CCR5AS: variants seen among roughly 807,000 people sequenced by gnomAD.
CCR5AS encodes the protein CCR5 antisense RNA.
Position 46,386,829 on chromosome 3 carries a change from G to A in CCR5AS, n.391+5996C>T, listed in dbSNP as rs191036758. Among the ~76,000 whole-genome samples the A allele has an allele frequency of 2.6e-5, 4 of 152,282 alleles. No homozygotes were observed. In the East Asian group the frequency reaches 5.8e-4, roughly 22 times the overall value. ...CTTAAGGATACACTCTAAAATACTA[G>A]TGGATTAAGTTATATGATGTTTAGA... On this transcript the variant is annotated intron_variant and non_coding_transcript_variant, in intron 2 of 3. Transcript: ENST00000451485.
At chr3:46,387,782 A>G (rs924722964) in intron 2 of CCR5AS, among the ~76,000 whole-genome samples, 1 of 152,184 alleles carries the variant, frequency 6.6e-6, no homozygotes, top group Non-Finnish European at 1.5e-5. Context: ...GTCTGAAAAA[A>G]GAGTCAGCAA....
intron 1 of CCR5AS, among the ~76,000 whole-genome samples, chr3:46,404,727 T>C (rs1204543081): frequency 6.6e-6 from 1 of 152,180 alleles, no homozygotes; most frequent in Non-Finnish European, 1.5e-5. Flanking sequence ...CTTCGCCTTC[T>C]CCATAGCACT....
intron 3 of CCR5AS, among the ~76,000 whole-genome samples, chr3:46,367,161 G>A (rs1456087009): frequency 1.3e-5 from 2 of 152,088 alleles, no homozygotes; most frequent in Non-Finnish European, 2.9e-5. Flanking sequence ...CCTTACCTCT[G>A]GGTGGAGCAA....
chr3:46,366,129 G>A (rs765523880), intron 3 of CCR5AS, among the ~76,000 whole-genome samples: 152 of 152,340 alleles, frequency 1.0e-3, no homozygotes, highest in Middle Eastern at 3.4e-3. Context: ...AGTGAGAGGA[G>A]TTGATGTGAT....
intron 3 of CCR5AS, among the ~76,000 whole-genome samples, chr3:46,368,647 G>A (rs1299472515): frequency 1.3e-5 from 2 of 152,198 alleles, no homozygotes; most frequent in Non-Finnish European, 2.9e-5. Context: ...GAATCATGTA[G>A]TATTTAGGGT....
Position 46,407,005 on chromosome 3 carries a change from C to T in CCR5AS, n.55G>A, listed in dbSNP as rs530395013. On this transcript the variant is annotated non_coding_transcript_exon_variant, in exon 1 of 4. Coordinates refer to ENST00000451485, the Ensembl canonical transcript of CCR5AS. ...GGGTCAGGACCCTCAGGTCTGGACT[C>T]GTGGTCACCACATACCTTCCTCCCT... 157 of 152,454 alleles carry T rather than the reference C, an allele frequency of 1.0e-3. 1 individual carries two copies. The highest frequency in any genetic ancestry group is 2.4e-3 in the Admixed American group (37 of 15,294). 9.4% of individuals were successfully genotyped at this position (152,454 alleles called of 1,614,324 possible).
chr3:46,381,030 A>G (rs1427419003), intron 2 of CCR5AS, among the ~76,000 whole-genome samples: 1 of 152,100 alleles, frequency 6.6e-6, no homozygotes, highest in East Asian at 1.9e-4. Flanking sequence ...GTGAATCTAG[A>G]CTTCATTGGC....
chr3:46,380,877 A>AG (rs1192384064), intron 2 of CCR5AS, among the ~76,000 whole-genome samples: 2 of 152,330 alleles, frequency 1.3e-5, no homozygotes, highest in African/African-American at 2.4e-5. Flanking sequence ...GCCAAGTCTG[A>AG]GAAATACTGC....
At chr3:46,379,906 AAAT>A (rs1701802049) in intron 2 of CCR5AS, among the ~76,000 whole-genome samples, 1 of 43,806 alleles carries the variant, frequency 2.3e-5, no homozygotes, top group Non-Finnish European at 5.0e-5. Context: ...CAAAATAAAT[AAAT>A]AAATAAATAA....
At chr3:46,397,432 G>A (rs1258818728) in intron 1 of CCR5AS, among the ~76,000 whole-genome samples, 3 of 152,234 alleles carry the variant, frequency 2.0e-5, no homozygotes, top group Non-Finnish European at 4.4e-5. Context: ...TGAGTTTAAT[G>A]AAGGATTCTA....
At chr3:46,378,969 A>G (rs926348353) in intron 2 of CCR5AS, among the ~76,000 whole-genome samples, 3 of 151,706 alleles carry the variant, frequency 2.0e-5, no homozygotes, top group Admixed American at 6.6e-5. Flanking sequence ...AGTGTTTGAA[A>G]TAATCAAATG....
At chr3:46,392,464 A>G (rs1422850706) in intron 2 of CCR5AS, among the ~76,000 whole-genome samples, 2 of 152,208 alleles carry the variant, frequency 1.3e-5, no homozygotes, top group Non-Finnish European at 2.9e-5. Context: ...AGGTAGAGAC[A>G]TGGAGAAGGG....
chr3:46,400,632 G>T (rs901849389), intron 1 of CCR5AS, among the ~76,000 whole-genome samples: 1 of 152,218 alleles, frequency 6.6e-6, no homozygotes, highest in African/African-American at 2.4e-5. Flanking sequence ...GAGTGAAACC[G>T]AAGGCCAGGG....
intron 2 of CCR5AS, among the ~76,000 whole-genome samples, chr3:46,371,948 G>A (rs192798693): frequency 6.6e-6 from 1 of 152,306 alleles, no homozygotes; most frequent in Non-Finnish European, 1.5e-5. Context: ...AGGGAGGGTA[G>A]CATGGTAGTT....
Position 46,404,925 on chromosome 3 carries a change from G to A in CCR5AS, n.163+1972C>T, listed in dbSNP as rs531502876. Among the ~76,000 whole-genome samples, 7 of 152,344 alleles carry A rather than the reference G, an allele frequency of 4.6e-5. 1 individual carries two copies. The South Asian group carries it at 1.4e-3, about 32-fold the overall frequency. On this transcript the variant is annotated intron_variant and non_coding_transcript_variant, in intron 1 of 3. Transcript: ENST00000451485. ...ACGTAGTGGGGAATGAGAGTATACA[G>A]TGATAGTTCCTTCGACTAAAACTGG... is the stretch of plus-strand genomic sequence containing the variant.
chr3:46,384,616 A>G (rs1701842779), intron 2 of CCR5AS, among the ~76,000 whole-genome samples: 1 of 152,216 alleles, frequency 6.6e-6, no homozygotes, highest in Non-Finnish European at 1.5e-5. Flanking sequence ...AGGCTCTGAG[A>G]GCCAGATGAG....
intron 1 of CCR5AS, among the ~76,000 whole-genome samples, chr3:46,394,068 C>G (rs1430512959): frequency 6.6e-6 from 1 of 152,194 alleles, no homozygotes; most frequent in Admixed American, 6.5e-5. Flanking sequence ...GTTACTAATT[C>G]CAGCGTTTCA....
intron 1 of CCR5AS, among the ~76,000 whole-genome samples, chr3:46,403,186 G>A (rs1286155022): frequency 6.6e-6 from 1 of 152,176 alleles, no homozygotes; most frequent in Non-Finnish European, 1.5e-5. Flanking sequence ...ACTGTGAATA[G>A]TGCTGCAATG....
At chr3:46,366,873 G>T (rs1701604798) in intron 3 of CCR5AS, among the ~76,000 whole-genome samples, 1 of 152,210 alleles carries the variant, frequency 6.6e-6, no homozygotes, top group African/African-American at 2.4e-5. Flanking sequence ...TGCTAAAGGT[G>T]GCTCTAGGGA....
Sources: gnomAD v4.1 joint callset for allele counts (sites outside exome capture counted in the v4.1 genomes callset) on GRCh38, gnomAD v4.1.1 for gene constraint, MANE v1.5 for transcripts, NCBI Gene and HGNC (gene_info 2026-07-23, HGNC 2026-07-21) for gene names.